The following BTBD9 variants were observed in gnomAD, a reference collection of about 807,000 sequenced individuals.
BTBD9 encodes the protein BTB/POZ domain-containing protein 9.
Under a neutral mutation model 64.3 loss-of-function variants are expected in BTBD9, and 49 were observed. That is an observed-to-expected ratio of 0.76 (90% CI 0.61 to 0.97). BTBD9 has a LOEUF of 0.97. BTBD9 is among the 50% of genes least tolerant of loss of function. The probability of loss-of-function intolerance (pLI) is 0.00; values close to 1 mark genes in which losing one functional copy is unlikely to be tolerated. For missense variants in BTBD9, 598 were observed against 762.1 expected, an observed-to-expected ratio of 0.78 and a Z score of 2.53; for synonymous variants, 260 against 274.7, an observed-to-expected ratio of 0.95 and a Z score of 0.53.
At chr6:38,292,927 G>C (rs1762016112) in intron 7 of BTBD9, among the ~76,000 whole-genome samples, 1 of 151,906 alleles carries the variant, frequency 6.6e-6, no homozygotes. Flanking sequence ...TCGATTTTAG[G>C]CCTTTCCTGC....
chr6:38,538,126 A>G (rs984672376), intron 6 of BTBD9, among the ~76,000 whole-genome samples: 2 of 152,228 alleles, frequency 1.3e-5, no homozygotes, highest in Non-Finnish European at 2.9e-5. Context: ...TCAGACCCAC[A>G]TGTTAGAATC....
At chr6:38,179,567 C>T (rs767740627) in intron 10 of BTBD9, 57 of 456,698 alleles carry the variant, frequency 1.2e-4, no homozygotes, top group South Asian at 7.6e-4. Context: ...CCAGCAGGTG[C>T]GCCCACAGCG....
intron 6 of BTBD9, among the ~76,000 whole-genome samples, chr6:38,458,744 T>A (rs1769934093): frequency 6.6e-6 from 1 of 152,174 alleles, no homozygotes; most frequent in Admixed American, 6.5e-5. Context: ...AGCAAGGTCA[T>A]CTGGATTATT....
intron 6 of BTBD9, among the ~76,000 whole-genome samples, chr6:38,377,219 G>T (rs1765725249): frequency 6.6e-6 from 1 of 152,048 alleles, no homozygotes. Context: ...CTCCTTTGTA[G>T]AAGCTGAAGT....
rs1264020015 is a variant in BTBD9, at chr6:38,288,456, T to C, written c.1270A>G (p.Met424Val). 1.2e-6 allele frequency: 2 copies of C among 1,613,672 alleles called. No individual in the cohort carries two copies. The highest frequency in any genetic ancestry group is 2.2e-5 in the East Asian group (1 of 44,894). Residue 424 changes from methionine to valine, a missense_variant, in exon 8 of 11, where the codon ATG becomes GTG. By Grantham distance (21) the Met-to-Val change is conservative. Coordinates refer to ENST00000481247, the MANE Select transcript of BTBD9 (RefSeq NM_001099272.2). ...FTLEKGLIVP[M>V]ENVATIADCA... Reference sequence around the variant, plus strand: ...TCAGCAATTGTTGCAACATTCTCCATGGGAACTGTGAATCCAAAAACAAGA... The same window carrying C: ...TCAGCAATTGTTGCAACATTCTCCACGGGAACTGTGAATCCAAAAACAAGA...
chr6:38,402,312 C>CA (rs1766965569), intron 6 of BTBD9, among the ~76,000 whole-genome samples: 1 of 151,860 alleles, frequency 6.6e-6, no homozygotes, highest in South Asian at 2.1e-4. Flanking sequence ...AAAATCCCAA[C>CA]ACACTTATTT....
At chr6:38,480,825 CCAAA>C (rs959805673) in intron 6 of BTBD9, among the ~76,000 whole-genome samples, 1 of 152,000 alleles carries the variant, frequency 6.6e-6, no homozygotes, top group African/African-American at 2.4e-5. Flanking sequence ...TTGGCGCTTC[CCAAA>C]CAGACTGTAG....
chr6:38,477,155 G>T (rs1397071788), intron 6 of BTBD9, among the ~76,000 whole-genome samples: 2 of 152,194 alleles, frequency 1.3e-5, no homozygotes, highest in Non-Finnish European at 1.5e-5. Context: ...GGGAGAAGTT[G>T]GGGAAATGAA....
chr6:38,260,431 G>A (rs1293468247), intron 8 of BTBD9, among the ~76,000 whole-genome samples: 1 of 152,048 alleles, frequency 6.6e-6, no homozygotes, highest in African/African-American at 2.4e-5. Context: ...TTCTACAGAG[G>A]ACTGAAATGA....
At chr6:38,638,163 C>T (rs1242641136) in intron 1 of BTBD9, among the ~76,000 whole-genome samples, 2 of 152,204 alleles carry the variant, frequency 1.3e-5, no homozygotes, top group Non-Finnish European at 2.9e-5. Flanking sequence ...AGTTCCCTAA[C>T]TCAGCCTACA....
chr6:38,266,578 A>AGAAAGAAAG (rs1198955278), intron 8 of BTBD9, among the ~76,000 whole-genome samples: 95 of 145,678 alleles, frequency 6.5e-4, no homozygotes, highest in Non-Finnish European at 1.0e-3. Flanking sequence ...AGTCTCAACA[A>AGAAAGAAAG]GAAAGAAAGG....
chr6:38,264,660 C>G (rs1169817414), intron 8 of BTBD9, among the ~76,000 whole-genome samples: 1 of 152,176 alleles, frequency 6.6e-6, no homozygotes. Context: ...GGCTCCTTAT[C>G]GTCAGCTGTC....
intron 10 of BTBD9, among the ~76,000 whole-genome samples, chr6:38,176,224 G>C (rs12198616): frequency 0.52 from 78,699 of 152,132 alleles, 21,286 homozygotes; most frequent in Non-Finnish European, 0.61. Context: ...CATACACACG[G>C]CCTTCTACCG....
rs563944857 is a variant in BTBD9, at chr6:38,379,750, C to T, written c.1155-34657G>A. 9.3e-4 allele frequency among the ~76,000 whole-genome samples: 141 copies of T among 152,132 alleles called. 1 individual carries two copies. The highest frequency in any genetic ancestry group is 3.2e-3 in the African/African-American group (132 of 41,486). The stretch of plus-strand genomic sequence containing the variant: ...CAAACAAGAAGGGAAACAATCATAC[C>T]ACATATGCTCGGATATTAATTATAT... On this transcript the variant is annotated intron_variant, in intron 6 of 10. Transcript: ENST00000481247.
chr6:38,493,545 G>C (rs994130627), intron 6 of BTBD9, among the ~76,000 whole-genome samples: 3 of 152,160 alleles, frequency 2.0e-5, no homozygotes, highest in Non-Finnish European at 4.4e-5. Context: ...TAGTAATTTA[G>C]TGATTTCAAT....
chr6:38,596,007 G>A (rs1777018311), intron 2 of BTBD9: 1 of 985,372 alleles, frequency 1.0e-6, no homozygotes, highest in Non-Finnish European at 1.2e-6. Flanking sequence ...ACTTCAACAA[G>A]GAGACAAGCA....
chr6:38,528,755 C>T (rs1562300957), intron 6 of BTBD9, among the ~76,000 whole-genome samples: 1 of 152,124 alleles, frequency 6.6e-6, no homozygotes, highest in Non-Finnish European at 1.5e-5. Flanking sequence ...CCTTTGGGCC[C>T]TGAATAATTA....
intron 6 of BTBD9, among the ~76,000 whole-genome samples, chr6:38,458,098 CA>C (rs35412175): frequency 1.3e-5 from 2 of 152,004 alleles, no homozygotes; most frequent in African/African-American, 4.8e-5. Context: ...GTCTCTCAAG[CA>C]AAAAGGAGCC....
intron 6 of BTBD9, among the ~76,000 whole-genome samples, chr6:38,381,911 A>G (rs1024047610): frequency 6.6e-6 from 1 of 152,198 alleles, no homozygotes; most frequent in Admixed American, 6.5e-5. Flanking sequence ...CTTAGATAAT[A>G]TAAGAATAAT....
Sources: allele counts gnomAD v4.1 joint callset (sites outside exome capture counted in the v4.1 genomes callset), GRCh38; gene constraint gnomAD v4.1.1; transcripts MANE v1.5; gene names NCBI Gene and HGNC (gene_info 2026-07-23, HGNC 2026-07-21).